Variants in CCL28 observed in about 807,000 individuals in gnomAD.
CCL28 encodes the protein C-C motif chemokine ligand 28, also known as C-C motif chemokine 28.
In CCL28, 4 loss-of-function variants were observed where a neutral mutation model predicts 7.1. That is an observed-to-expected ratio of 0.56 (90% confidence interval 0.28 to 1.29). The LOEUF (loss-of-function observed/expected upper bound fraction) is 1.29, where lower values mean the gene tolerates loss of function less well. CCL28 is among the 50% of genes most tolerant of loss of function. The pLI, the probability that CCL28 is intolerant of heterozygous loss-of-function variation, is 0.11. For missense variants in CCL28, 151 were observed against 163.4 expected (o/e 0.92, Z 0.41); for synonymous variants, 55 against 57.8 (o/e 0.95, Z 0.22).
chr5:43,358,680 T>C, the CCL28 span, among the ~76,000 whole-genome samples: 1 of 152,214 alleles, frequency 6.6e-6, no homozygotes, highest in South Asian at 2.1e-4. Context: ...ACTGAGCAAC[T>C]CTTATGTCAA....
chr5:43,392,976 TATC>T (rs1485039413), intron 1 of CCL28, among the ~76,000 whole-genome samples: 1 of 152,226 alleles, frequency 6.6e-6, no homozygotes, highest in African/African-American at 2.4e-5. Flanking sequence ...CATAGTCAGA[TATC>T]ATAAAAATAA....
At chr5:43,373,622 T>C (rs1739832005), downstream of CCL28, among the ~76,000 whole-genome samples, 1 of 152,064 alleles carries the variant, frequency 6.6e-6, no homozygotes, top group South Asian at 2.1e-4. Context: ...TTTTTATCTT[T>C]TAAATTTTAG....
At chr5:43,400,207 G>A (rs1740975348) in intron 1 of CCL28, among the ~76,000 whole-genome samples, 1 of 152,062 alleles carries the variant, frequency 6.6e-6, no homozygotes, top group African/African-American at 2.4e-5. Context: ...AGTATTAAGT[G>A]TATGGATGAT....
the CCL28 span, among the ~76,000 whole-genome samples, chr5:43,367,267 G>T: frequency 0.5 from 76,376 of 152,050 alleles, 19,726 homozygotes; most frequent in Middle Eastern, 0.62. Context: ...TATTCCAGGT[G>T]CCAATGGGGT....
At chr5:43,373,076 C>T (rs1739821293), downstream of CCL28, among the ~76,000 whole-genome samples, 1 of 152,116 alleles carries the variant, frequency 6.6e-6, no homozygotes, top group Admixed American at 6.5e-5. Context: ...GCTGAGATTA[C>T]AGGCGTGAGC....
chr5:43,368,321 A>G, the CCL28 span, among the ~76,000 whole-genome samples: 1 of 152,186 alleles, frequency 6.6e-6, no homozygotes, highest in Non-Finnish European at 1.5e-5. Context: ...AGTTGCCCGC[A>G]ATATCCTTTT....
In CCL28 at chr5:43,388,932, G is replaced by A. The variant is rs1284757045; in HGVS notation, c.65-456C>T. On this transcript the variant is annotated intron_variant, in intron 1 of 2. Transcript: ENST00000361115. ...TGCTTAATAGTCCAGTGGGAGGCAG[G>A]CCATAATAATCCCAACACAGCAAAA... Among the ~76,000 whole-genome samples the A allele has an allele frequency of 3.9e-5, 6 of 152,304 alleles. No homozygotes were observed. In the East Asian group the frequency reaches 9.6e-4, roughly 24 times the overall value.
At chr5:43,408,376 A>G (rs1189619976) in intron 1 of CCL28, among the ~76,000 whole-genome samples, 3 of 152,214 alleles carry the variant, frequency 2.0e-5, no homozygotes, top group Non-Finnish European at 4.4e-5. Flanking sequence ...ATTCTGAGCA[A>G]ACTATTGCAA....
At chr5:43,398,986 T>C (rs1398504651) in intron 1 of CCL28, among the ~76,000 whole-genome samples, 1 of 152,230 alleles carries the variant, frequency 6.6e-6, no homozygotes, top group Admixed American at 6.5e-5. Flanking sequence ...TTAAAATTTT[T>C]ACTATGTCAG....
intron 1 of CCL28, among the ~76,000 whole-genome samples, chr5:43,393,345 C>A (rs1740659820): frequency 2.0e-5 from 3 of 148,328 alleles, no homozygotes; most frequent in African/African-American, 5.2e-5. Flanking sequence ...CCCTTTCTTC[C>A]GTTTTTTTTT....
chr5:43,408,380 A>G (rs1741387374), intron 1 of CCL28, among the ~76,000 whole-genome samples: 2 of 152,198 alleles, frequency 1.3e-5, no homozygotes, highest in Admixed American at 6.5e-5. Flanking sequence ...TGAGCAAACT[A>G]TTGCAAGGAC....
At chr5:43,384,004 C>A in intron 2 of CCL28, 1 of 194,574 alleles carries the variant, frequency 5.1e-6, no homozygotes, top group Non-Finnish European at 1.2e-5. Flanking sequence ...GTAGGAGAAT[C>A]GTTTGAACCA....
chr5:43,364,200 T>A, the CCL28 span, among the ~76,000 whole-genome samples: 83 of 117,810 alleles, frequency 7.0e-4, no homozygotes, highest in Admixed American at 5.6e-3. Context: ...TATTTTCTGA[T>A]AAACATTGTG....
At chr5:43,396,506 A>T (rs1740810137) in intron 1 of CCL28, among the ~76,000 whole-genome samples, 1 of 152,176 alleles carries the variant, frequency 6.6e-6, no homozygotes, top group East Asian at 1.9e-4. Flanking sequence ...AGCCTGGGCG[A>T]CAGAGACCTT....
At chr5:43,374,759 C>T (rs577905741), downstream of CCL28, among the ~76,000 whole-genome samples, 3 of 136,776 alleles carry the variant, frequency 2.2e-5, no homozygotes, top group African/African-American at 5.6e-5. Flanking sequence ...CCAGCTTGGG[C>T]GACAGAGTGA....
rs145615527 is a variant in CCL28, at chr5:43,399,181, T to C, written c.65-10705A>G. 2.6e-3 allele frequency among the ~76,000 whole-genome samples: 399 copies of C among 152,350 alleles called. 1 individual carries two copies. The highest frequency in any genetic ancestry group is 9.1e-3 in the African/African-American group (380 of 41,578). ...CTCATCTCGTTTAATCACTTTGTACTGTTATCCAAGTGTAATTCCATCTTC... is the reference window on the plus strand; with the variant it reads ...CTCATCTCGTTTAATCACTTTGTACCGTTATCCAAGTGTAATTCCATCTTC... On this transcript the variant is annotated intron_variant, in intron 1 of 2. Coordinates refer to ENST00000361115, the MANE Select transcript of CCL28 (RefSeq NM_148672.3).
chr5:43,386,626 C>T (rs765935890), intron 2 of CCL28, among the ~76,000 whole-genome samples: 1 of 152,194 alleles, frequency 6.6e-6, no homozygotes, highest in Admixed American at 6.5e-5. Flanking sequence ...CTTATAAAAC[C>T]TATGGACCCT....
At chr5:43,369,272 C>A in the CCL28 span, among the ~76,000 whole-genome samples, 1 of 152,214 alleles carries the variant, frequency 6.6e-6, no homozygotes, top group South Asian at 2.1e-4. Flanking sequence ...GATTCCCCAC[C>A]AGGCTCATTA....
chr5:43,374,515 G>A (rs573717827), downstream of CCL28, among the ~76,000 whole-genome samples: 3 of 152,196 alleles, frequency 2.0e-5, no homozygotes, highest in Non-Finnish European at 4.4e-5. Context: ...GGGTGCAGTG[G>A]CTCACGCCTG....
Sources: allele counts gnomAD v4.1 joint callset (sites outside exome capture counted in the v4.1 genomes callset), GRCh38; gene constraint gnomAD v4.1.1; transcripts MANE v1.5; gene names NCBI Gene and HGNC (gene_info 2026-07-23, HGNC 2026-07-21).